The following DIAPH2 variants were observed in gnomAD, a reference collection of about 807,000 sequenced individuals.
DIAPH2 encodes the protein diaphanous related formin 2.
DIAPH2 carries 35 observed loss-of-function variants against 92.7 expected under a neutral mutation model. The observed-to-expected ratio is 0.38, with a 90% CI of 0.29 to 0.50. The LOEUF is 0.50. Ranked by LOEUF, DIAPH2 falls within the 20% of genes least tolerant of loss-of-function variation. DIAPH2 has a pLI of 0.94. For missense variants in DIAPH2, 701 were observed against 819.5 expected (o/e 0.86, Z 1.77); for synonymous variants, 301 against 280.4 (o/e 1.07, Z -0.73).
chrX:96,703,565 T>C (rs762253203), intron 1 of DIAPH2, among the ~76,000 whole-genome samples: 1 of 111,376 alleles, frequency 9.0e-6, no homozygotes, highest in Admixed American at 9.6e-5. Flanking sequence ...CCTCCACAAA[T>C]AGATCCTACT....
At chrX:97,580,056 A>T (rs1264882597) in intron 26 of DIAPH2, among the ~76,000 whole-genome samples, 4 of 111,907 alleles carry the variant, frequency 3.6e-5, no homozygotes, top group Non-Finnish European at 7.5e-5. Context: ...TGTCAGCTTA[A>T]GGAGATTTTG....
At chrX:96,758,092 T>C (rs1322810665) in intron 3 of DIAPH2, 62 bp from the exon 4 acceptor site, 1 of 924,102 alleles carries the variant, frequency 1.1e-6, no homozygotes, top group African/African-American at 2.0e-5. Flanking sequence ...TGTTTACTAA[T>C]CACTTTTGAA....
chrX:96,698,327 G>A (rs929966429), intron 1 of DIAPH2, among the ~76,000 whole-genome samples: 2 of 111,790 alleles, frequency 1.8e-5, no homozygotes, highest in Admixed American at 1.9e-4. Context: ...ACAAGTACAC[G>A]ATATGCATTG....
chrX:97,230,973 C>T lies in DIAPH2; in HGVS notation c.2720-16742C>T, dbSNP rs770001231. 1.9e-4 allele frequency among the ~76,000 whole-genome samples: 21 copies of T among 112,523 alleles called. No homozygotes were observed. In the East Asian group the frequency reaches 2.8e-3, roughly 15 times the overall value. On this transcript the variant is annotated intron_variant, in intron 22 of 26. Coordinates refer to ENST00000324765, the MANE Select transcript of DIAPH2 (RefSeq NM_006729.5). ...TGCCCAAAGGCATATGTAAAGGAAGCGGGAATTGGGTCTTCTGACTCCAAG... is the reference window on the plus strand; with the variant it reads ...TGCCCAAAGGCATATGTAAAGGAAGTGGGAATTGGGTCTTCTGACTCCAAG...
Position 96,873,201 on chromosome X carries a change from A to C in DIAPH2, c.448-8378A>C, listed in dbSNP as rs1436221632. 5.1e-4 allele frequency among the ~76,000 whole-genome samples: 57 copies of C among 111,486 alleles called. No individual in the cohort carries two copies. The Admixed American group carries it at 5.5e-3, about 11-fold the overall frequency. On this transcript the variant is annotated intron_variant, in intron 4 of 26. Transcript: ENST00000324765. ...TGCATGATGTTGAGCACCTTTTCAT[A>C]TACCTGTTTGTCCTTTGTATGTCTT...
Position 97,432,214 on chromosome X carries a change from C to G in DIAPH2, c.3241+2469C>G, listed in dbSNP as rs185550515. 2.1e-4 allele frequency among the ~76,000 whole-genome samples: 23 copies of G among 112,006 alleles called. No homozygotes were observed. The East Asian group carries it at 6.2e-3, about 30-fold the overall frequency. ...CTGCTTGCCATTTTCATTACCATCGCTTATAGATGGGTATTACTGTTATGT... is the reference window on the plus strand; with the variant it reads ...CTGCTTGCCATTTTCATTACCATCGGTTATAGATGGGTATTACTGTTATGT... On this transcript the variant is annotated intron_variant, in intron 26 of 26. Coordinates refer to ENST00000324765, the MANE Select transcript of DIAPH2 (RefSeq NM_006729.5).
intron 25 of DIAPH2, among the ~76,000 whole-genome samples, chrX:97,421,488 T>C (rs2070007634): frequency 9.0e-6 from 1 of 111,644 alleles, no homozygotes; most frequent in Non-Finnish European, 1.9e-5. Flanking sequence ...TAGCACTGGT[T>C]TTTCTTGCAC....
intron 21 of DIAPH2, among the ~76,000 whole-genome samples, chrX:97,128,242 C>T (rs1418543975): frequency 9.0e-6 from 1 of 111,132 alleles, no homozygotes; most frequent in African/African-American, 3.3e-5. Flanking sequence ...CTTTTTAGAC[C>T]GTATAGGATA....
chrX:97,601,027 A>C lies in DIAPH2; in HGVS notation c.*1710A>C, dbSNP rs1217971442. The C allele has an allele frequency of 8.9e-6, 1 of 112,565 alleles. No individual in the cohort carries two copies. The highest frequency in any genetic ancestry group is 2.8e-4 in the East Asian group (1 of 3,609). 9.3% of individuals were successfully genotyped at this position (112,565 alleles called of 1,213,427 possible). On this transcript the variant is annotated 3_prime_UTR_variant, in exon 27 of 27. Transcript: ENST00000324765. Reference sequence around the variant, plus strand: ...TCACAGTCCTATCCGATCTGAAAACACACATACACAAATGCACACACATGC... The same window carrying C: ...TCACAGTCCTATCCGATCTGAAAACCCACATACACAAATGCACACACATGC...
chrX:96,888,021 G>A (rs2065275767), intron 5 of DIAPH2, among the ~76,000 whole-genome samples: 1 of 109,463 alleles, frequency 9.1e-6, no homozygotes, highest in Non-Finnish European at 1.9e-5. Flanking sequence ...TCCCTGTGAT[G>A]CGTAGATTTA....
chrX:97,300,582 G>GT (rs2068684595), intron 23 of DIAPH2, among the ~76,000 whole-genome samples: 1 of 100,091 alleles, frequency 1.0e-5, no homozygotes, highest in South Asian at 5.0e-4. Context: ...GTGACTAACT[G>GT]TAACTCTACT....
At chrX:96,809,331 A>T in intron 4 of DIAPH2, among the ~76,000 whole-genome samples, 1 of 103,958 alleles carries the variant, frequency 9.6e-6, no homozygotes, top group East Asian at 3.4e-4. Context: ...CTTTAAAAAA[A>T]AAATGTGGTT....
intron 25 of DIAPH2, among the ~76,000 whole-genome samples, chrX:97,404,814 G>A (rs1280622185): frequency 8.9e-6 from 1 of 112,245 alleles, no homozygotes; most frequent in Non-Finnish European, 1.9e-5. Flanking sequence ...ATGTAATTAG[G>A]TGTTTGAGCT....
chrX:97,196,779 T>C (rs1251571181), intron 22 of DIAPH2, among the ~76,000 whole-genome samples: 2 of 109,661 alleles, frequency 1.8e-5, no homozygotes, highest in African/African-American at 6.6e-5. Context: ...TTTTTATTTC[T>C]TTTTTTTCGG....
chrX:96,708,648 T>C lies in DIAPH2; in HGVS notation c.132+23458T>C, dbSNP rs371607637. On this transcript the variant is annotated intron_variant, in intron 1 of 26. Transcript: ENST00000324765. ...TAGAATGAACTAAGTTATGCAATTA[T>C]TTTTGAATGTACTTTATTGTGATTT... is the stretch of plus-strand genomic sequence containing the variant. Among the ~76,000 whole-genome samples, 22 of 112,583 alleles carry C rather than the reference T, an allele frequency of 2.0e-4. No individual in the cohort carries two copies. The East Asian group carries it at 4.2e-3, about 21-fold the overall frequency.
intron 25 of DIAPH2, among the ~76,000 whole-genome samples, chrX:97,389,391 G>A (rs775482089): frequency 1.9e-5 from 2 of 105,849 alleles, no homozygotes; most frequent in South Asian, 4.6e-4. Context: ...GCTTGAACCC[G>A]GGGGGCAGAA....
intron 26 of DIAPH2, among the ~76,000 whole-genome samples, chrX:97,542,158 G>T (rs2071145282): frequency 8.9e-6 from 1 of 112,369 alleles, no homozygotes. Flanking sequence ...TATCCGATAG[G>T]CATGAGATTA....
chrX:97,546,758 C>T (rs2071183984), intron 26 of DIAPH2, among the ~76,000 whole-genome samples: 1 of 110,760 alleles, frequency 9.0e-6, no homozygotes, highest in Non-Finnish European at 1.9e-5. Context: ...ATCACTCGAA[C>T]CCAGGAGGCG....
At chrX:97,292,789 G>A (rs763060106) in intron 23 of DIAPH2, among the ~76,000 whole-genome samples, 57 of 111,214 alleles carry the variant, frequency 5.1e-4, no homozygotes, top group African/African-American at 1.7e-3. Context: ...TATTGTTATC[G>A]TTGATAATGC....
Sources: allele counts gnomAD v4.1 joint callset (sites outside exome capture counted in the v4.1 genomes callset), GRCh38; gene constraint gnomAD v4.1.1; transcripts MANE v1.5; gene names NCBI Gene and HGNC (gene_info 2026-07-23, HGNC 2026-07-21).